RALGAPA2: variants seen among roughly 807,000 people sequenced by gnomAD.
RALGAPA2 encodes ral GTPase-activating protein subunit alpha-2.
In RALGAPA2, 139 loss-of-function variants were observed where a neutral mutation model predicts 230.4. The observed-to-expected ratio is 0.60, with a 90% CI of 0.53 to 0.69. The LOEUF (loss-of-function observed/expected upper bound fraction) is 0.69, where lower values mean the gene tolerates loss of function less well. Among genes scored for constraint, RALGAPA2 ranks in the 30% least tolerant of loss-of-function variants. RALGAPA2 has a pLI of 0.00. For synonymous variants in RALGAPA2, 847 were observed against 837.8 expected, an observed-to-expected ratio of 1.01 and a Z score of -0.19; for missense variants, 2,163 against 2,276.0, an observed-to-expected ratio of 0.95 and a Z score of 1.01.
At chr20:20,566,402 G>A (rs1232633728) in intron 23 of RALGAPA2, among the ~76,000 whole-genome samples, 1 of 152,178 alleles carries the variant, frequency 6.6e-6, no homozygotes. Context: ...TCTGTCTACA[G>A]CACAGGGAGT....
chr20:20,565,678 A>C (rs940975232), intron 23 of RALGAPA2, among the ~76,000 whole-genome samples: 1 of 152,236 alleles, frequency 6.6e-6, no homozygotes, highest in African/African-American at 2.4e-5. Flanking sequence ...GTTCATAAAA[A>C]TGTGGAGTTA....
intron 1 of RALGAPA2, 117 bp from the exon 2 acceptor site, chr20:20,680,918 T>C (rs2068497218): frequency 1.4e-5 from 20 of 1,443,518 alleles, no homozygotes; most frequent in Admixed American, 3.3e-5. Context: ...TATAAGACAA[T>C]ACAAAACAAA....
chr20:20,696,712 G>T (rs547950079), intron 1 of RALGAPA2, among the ~76,000 whole-genome samples: 1 of 150,894 alleles, frequency 6.6e-6, no homozygotes, highest in Non-Finnish European at 1.5e-5. Flanking sequence ...TGTTCCTTCT[G>T]CTTAGAACAC....
Position 20,712,471 on chromosome 20 carries a change from G to A in RALGAPA2, c.10C>T (p.Arg4Ter). The A allele has an allele frequency of 1.9e-6, 3 of 1,548,752 alleles. No individual in the cohort carries two copies. The highest frequency in any genetic ancestry group is 1.7e-6 in the Non-Finnish European group (2 of 1,146,056). Residue 4 changes from arginine to a stop codon, truncating the protein, a stop_gained, in exon 1 of 40, where the codon CGA (arginine) becomes TGA (stop). Coordinates refer to ENST00000202677, the MANE Select transcript of RALGAPA2 (RefSeq NM_020343.4). LOFTEE classifies it high-confidence loss of function. This position sits in a 1 kb window ranked among gnomAD's most constrained non-coding sequence, Gnocchi z 5.5. Reference sequence around the variant, plus strand: ...TTCTTCACATCCCCGTGGCTCCTTCGGGAGAACATCCCGCGGCAGGAAGCC... The same window carrying A: ...TTCTTCACATCCCCGTGGCTCCTTCAGGAGAACATCCCGCGGCAGGAAGCC... MFS[R>*]RSHGDVKKST...
chr20:20,645,849 C>T (rs938169291), intron 4 of RALGAPA2, among the ~76,000 whole-genome samples: 3 of 151,882 alleles, frequency 2.0e-5, no homozygotes, highest in Non-Finnish European at 4.4e-5. Flanking sequence ...GAGATTTAAA[C>T]GAGTTAATAC....
chr20:20,492,475 G>T (rs77845118), intron 36 of RALGAPA2, among the ~76,000 whole-genome samples: 6 of 152,082 alleles, frequency 3.9e-5, no homozygotes, highest in Non-Finnish European at 1.5e-5. Flanking sequence ...CTAAAAGTAG[G>T]CAAGGTTAAA....
At chr20:20,408,909 T>A (rs4813388) in intron 38 of RALGAPA2, among the ~76,000 whole-genome samples, 1 of 152,082 alleles carries the variant, frequency 6.6e-6, no homozygotes, top group South Asian at 2.1e-4. Flanking sequence ...TATCTTTACA[T>A]GTCAGGTGTT....
chr20:20,417,394 C>T (rs773020276), intron 37 of RALGAPA2, among the ~76,000 whole-genome samples: 95 of 152,348 alleles, frequency 6.2e-4, no homozygotes, highest in Non-Finnish European at 1.1e-3. Flanking sequence ...CATGCTTCTT[C>T]CAGTTCCAGG....
At chr20:20,462,936 C>T (rs2061336522) in intron 37 of RALGAPA2, among the ~76,000 whole-genome samples, 1 of 152,212 alleles carries the variant, frequency 6.6e-6, no homozygotes, top group Admixed American at 6.5e-5. Context: ...TCTGTGGATG[C>T]TGTTTATGGC....
intron 7 of RALGAPA2, among the ~76,000 whole-genome samples, chr20:20,638,662 C>T (rs6046975): frequency 0.92 from 140,030 of 152,214 alleles, 64,505 homozygotes; most frequent in East Asian, 1. Flanking sequence ...CCAGGATAAA[C>T]TGAATGTCCA....
intron 3 of RALGAPA2, among the ~76,000 whole-genome samples, chr20:20,666,290 G>A (rs747173525): frequency 5.3e-5 from 8 of 152,190 alleles, no homozygotes; most frequent in Non-Finnish European, 1.0e-4. Context: ...ATTGCAATCA[G>A]TCATTTAGAA....
In RALGAPA2 at chr20:20,611,437, C is replaced by T. The variant is rs1288920880; in HGVS notation, c.1689-11G>A. 6.2e-7 allele frequency: 1 copy of T among 1,607,922 alleles called. No homozygotes were observed. The highest frequency in any genetic ancestry group is 1.7e-5 in the Admixed American group (1 of 59,188). On this transcript the variant is annotated splice_polypyrimidine_tract_variant and intron_variant, in intron 13 of 39. Transcript: ENST00000202677. ...TGCAACATCTGTTCCCTGGGCCACC[C>T]AAAATAAAAGCTCATATTAATAATC...
At position 20,676,244 on chromosome 20, in the gene RALGAPA2, G is replaced by C. The variant is rs2068317937; in HGVS notation, c.262C>G (p.Leu88Val). Residue 88 changes from leucine (L) to valine (V), a missense_variant, in exon 3 of 40, where the codon CTT becomes GTT. Transcript: ENST00000202677. ...AACTCATCAAAACTTACTTCAAAAA[G>C]GAAGAGGATGGAGTCCAGCTCCTCC... ...QREELDSILFLFEKILQFLPE... is the reference protein window; with the variant it reads ...QREELDSILFVFEKILQFLPE... The C allele has an allele frequency of 4.5e-6, 7 of 1,544,550 alleles. No homozygotes were observed. In the South Asian group the frequency reaches 4.8e-5, roughly 10 times the overall value.
Position 20,393,307 on chromosome 20 carries a change from C to T in RALGAPA2, c.*36-54G>A, listed in dbSNP as rs2059636313. 3 of 1,205,000 alleles carry T rather than the reference C, an allele frequency of 2.5e-6. No individual in the cohort carries two copies. The Admixed American group carries it at 8.5e-5, about 34-fold the overall frequency. 74.6% of individuals were successfully genotyped at this position (1,205,000 alleles called of 1,614,324 possible). A position where few individuals can be genotyped will look rare whatever the true frequency, so the allele number is the denominator to read the frequency against. On this transcript the variant is annotated intron_variant, in intron 39 of 39. Coordinates refer to ENST00000202677, the MANE Select transcript of RALGAPA2 (RefSeq NM_020343.4). The stretch of plus-strand genomic sequence containing the variant: ...CATGGAGGCAACGGCGGCTCTACGG[C>T]CACACATTTCAGGGAGGATCTGTGG...
rs377055446 is a variant in RALGAPA2 at position 20,684,977 on chromosome 20, T to C, written c.107-4176A>G. 2.8e-4 allele frequency among the ~76,000 whole-genome samples: 42 copies of C among 152,230 alleles called. No homozygotes were observed. In the South Asian group the frequency reaches 7.7e-3, roughly 28 times the overall value. ...AAAAGACTCATCAGAAGAATATTTATAAAGCAAGCATAGGTCTCAGGGAAG... is the reference window on the plus strand; with the variant it reads ...AAAAGACTCATCAGAAGAATATTTACAAAGCAAGCATAGGTCTCAGGGAAG... On this transcript the variant is annotated intron_variant, in intron 1 of 39. Coordinates refer to ENST00000202677, the MANE Select transcript of RALGAPA2 (RefSeq NM_020343.4).
chr20:20,557,809 A>G (rs1350800554), intron 23 of RALGAPA2, among the ~76,000 whole-genome samples: 1 of 152,186 alleles, frequency 6.6e-6, no homozygotes, highest in Non-Finnish European at 1.5e-5. Flanking sequence ...TCATCATTCA[A>G]TCTTTTAATT....
intron 16 of RALGAPA2, among the ~76,000 whole-genome samples, chr20:20,599,290 C>T (rs938316233): frequency 3.3e-5 from 5 of 152,168 alleles, no homozygotes; most frequent in Non-Finnish European, 7.3e-5. Flanking sequence ...CTCAAGAACA[C>T]ATAAAAGTCA....
chr20:20,450,205 A>C (rs1450989349), intron 37 of RALGAPA2, among the ~76,000 whole-genome samples: 1 of 152,360 alleles, frequency 6.6e-6, no homozygotes, highest in East Asian at 1.9e-4. Flanking sequence ...AGGCAAAAGC[A>C]CACTAACTAA....
chr20:20,410,050 G>A (rs1176613751), intron 38 of RALGAPA2, among the ~76,000 whole-genome samples: 1 of 152,208 alleles, frequency 6.6e-6, no homozygotes, highest in Non-Finnish European at 1.5e-5. Context: ...GATATTCCAT[G>A]TTTGGTTTCA....
Sources: gnomAD v4.1 joint callset for allele counts (sites outside exome capture counted in the v4.1 genomes callset) on GRCh38, gnomAD v4.1.1 for gene constraint, Gnocchi (gnomAD v3.1) non-coding constraint, MANE v1.5 for transcripts, NCBI Gene and HGNC (gene_info 2026-07-23, HGNC 2026-07-21) for gene names.